Variants in OXR1 observed in about 807,000 individuals in gnomAD.
OXR1 encodes oxidation resistance protein 1.
OXR1 carries 41 observed loss-of-function variants against 104.6 expected under a neutral mutation model. That is an observed-to-expected ratio of 0.39 (90% CI 0.31 to 0.51). The LOEUF (loss-of-function observed/expected upper bound fraction) is 0.51, where lower values mean the gene tolerates loss of function less well. Among genes scored for constraint, OXR1 ranks in the 20% least tolerant of loss-of-function variants. The probability of loss-of-function intolerance (pLI) is 0.77; values close to 1 mark genes in which losing one functional copy is unlikely to be tolerated. For synonymous variants in OXR1, 348 were observed against 348.4 expected, an observed-to-expected ratio of 1.00 and a Z score of 0.01; for missense variants, 955 against 1,031.9, an observed-to-expected ratio of 0.93 and a Z score of 1.02.
intron 3 of OXR1, among the ~76,000 whole-genome samples, chr8:106,615,185 T>C (rs1276954801): frequency 6.6e-6 from 1 of 151,906 alleles, no homozygotes; most frequent in African/African-American, 2.4e-5. Flanking sequence ...ATCCCAACAC[T>C]TTGGGAGGCC....
Position 106,605,357 on chromosome 8 carries a change from CAGA to C in OXR1, c.221-73852_221-73850del, listed in dbSNP as rs527399915. 1.2e-4 allele frequency among the ~76,000 whole-genome samples: 19 copies of C among 152,226 alleles called. 1 individual carries two copies. The South Asian group carries it at 3.9e-3, about 32-fold the overall frequency. On this transcript the variant is annotated intron_variant, in intron 3 of 16. Transcript: ENST00000517566. ...CTGTCTTAGGTCTATTTGTACAGGA[CAGA>C]TATTCTACTTTATTCTCCAACAAGA...
chr8:106,619,990 A>G (rs1440210771), intron 3 of OXR1, among the ~76,000 whole-genome samples: 1 of 151,998 alleles, frequency 6.6e-6, no homozygotes, highest in Non-Finnish European at 1.5e-5. Context: ...TTTTACACTG[A>G]GACATCTACA....
chr8:106,326,258 C>CATATAAATTTTAAAA (rs1814464081), intron 1 of OXR1, among the ~76,000 whole-genome samples: 1 of 152,200 alleles, frequency 6.6e-6, no homozygotes, highest in African/African-American at 2.4e-5. Context: ...AAGGATGTCC[C>CATATAAATTTTAAAA]TAGTGTGTTG....
chr8:106,711,816 T>C (rs1464583812), intron 10 of OXR1, among the ~76,000 whole-genome samples: 1 of 152,124 alleles, frequency 6.6e-6, no homozygotes, highest in African/African-American at 2.4e-5. Flanking sequence ...ACCATAAGTT[T>C]AGGGAACCTG....
chr8:106,573,339 T>TCA (rs757895956), intron 3 of OXR1, among the ~76,000 whole-genome samples: 8 of 77,438 alleles, frequency 1.0e-4, no homozygotes, highest in Non-Finnish European at 2.0e-4. Context: ...CAATTAACCA[T>TCA]CACATACACA....
chr8:106,589,474 T>C (rs1818912125), intron 3 of OXR1, among the ~76,000 whole-genome samples: 1 of 152,100 alleles, frequency 6.6e-6, no homozygotes, highest in South Asian at 2.1e-4. Context: ...TGGGCTTGGT[T>C]GACTGCTGCA....
intron 1 of OXR1, among the ~76,000 whole-genome samples, chr8:106,291,856 T>G (rs1812769753): frequency 6.6e-6 from 1 of 152,116 alleles, no homozygotes; most frequent in Non-Finnish European, 1.5e-5. Context: ...ATGCCCTTTA[T>G]AAAACCATCA....
At chr8:106,363,232 CT>C (rs1385700818) in intron 2 of OXR1, among the ~76,000 whole-genome samples, 1 of 152,152 alleles carries the variant, frequency 6.6e-6, no homozygotes, top group Admixed American at 6.5e-5. Context: ...CTTTTTGGAG[CT>C]CATTTATAAG....
At chr8:106,680,478 T>G (rs1828039524) in intron 4 of OXR1, among the ~76,000 whole-genome samples, 2 of 152,156 alleles carry the variant, frequency 1.3e-5, no homozygotes, top group East Asian at 3.8e-4. Context: ...GATTGCCATT[T>G]TCTCCTCCTT....
intron 3 of OXR1, among the ~76,000 whole-genome samples, chr8:106,677,725 G>A (rs562468717): frequency 6.6e-6 from 1 of 151,976 alleles, no homozygotes; most frequent in Admixed American, 6.6e-5. Context: ...AAATATTTAG[G>A]ATACAAAAGT....
chr8:106,372,138 C>T (rs909003697), intron 2 of OXR1, among the ~76,000 whole-genome samples: 1 of 152,152 alleles, frequency 6.6e-6, no homozygotes, highest in Non-Finnish European at 1.5e-5. Flanking sequence ...GAACAGTAGG[C>T]CTGGTGGCAT....
intron 3 of OXR1, among the ~76,000 whole-genome samples, chr8:106,636,891 A>G (rs1823188566): frequency 6.6e-6 from 1 of 152,162 alleles, no homozygotes; most frequent in Non-Finnish European, 1.5e-5. Context: ...TTAGATGTGT[A>G]TGATTTTCAA....
At position 106,488,388 on chromosome 8, in the gene OXR1, A is replaced by G. The variant is rs978651952; in HGVS notation, c.24-30555A>G. 3.5e-4 allele frequency among the ~76,000 whole-genome samples: 50 copies of G among 144,016 alleles called. 1 individual carries two copies. Among genetic ancestry groups the G allele is most frequent in the South Asian group, 6.8e-4 (3 of 4,430 alleles). The allele number at this position is 144,016 out of a possible 152,430, so 94.5% of individuals were successfully genotyped here. A position where few individuals can be genotyped will look rare whatever the true frequency, so the allele number is the denominator to read the frequency against. On this transcript the variant is annotated intron_variant, in intron 2 of 16. Transcript: ENST00000517566. The stretch of plus-strand genomic sequence containing the variant: ...TTTTGTAGGTTGCCTGTTCACTCTG[A>G]TGGTAGTTTCTTTTGCTGTGCAGAA...
chr8:106,545,442 GA>G (rs993967091), intron 3 of OXR1, among the ~76,000 whole-genome samples: 1 of 152,038 alleles, frequency 6.6e-6, no homozygotes, highest in African/African-American at 2.4e-5. Context: ...AAAAACAAAA[GA>G]AAAAACTATA....
At chr8:106,271,354 C>CG (rs1175774098) in intron 1 of OXR1, among the ~76,000 whole-genome samples, 7 of 152,014 alleles carry the variant, frequency 4.6e-5, no homozygotes, top group African/African-American at 1.7e-4. Context: ...GGGAGCTGCT[C>CG]GGGCTTCCGT....
intron 3 of OXR1, among the ~76,000 whole-genome samples, chr8:106,645,011 G>T (rs749377392): frequency 6.6e-6 from 1 of 152,014 alleles, no homozygotes; most frequent in Non-Finnish European, 1.5e-5. Flanking sequence ...GCAATACTTA[G>T]ATTGGCGGAT....
intron 6 of OXR1, among the ~76,000 whole-genome samples, chr8:106,686,883 A>G (rs796110351): frequency 1.3e-5 from 2 of 152,246 alleles, no homozygotes; most frequent in East Asian, 3.9e-4. Context: ...CATATGGAGG[A>G]AGAAATATAG....
At chr8:106,515,472 C>G (rs186020711) in intron 2 of OXR1, among the ~76,000 whole-genome samples, 1 of 152,010 alleles carries the variant, frequency 6.6e-6, no homozygotes, top group Non-Finnish European at 1.5e-5. Flanking sequence ...TTCCTTATAT[C>G]CTTCATTCTA....
chr8:106,283,309 G>A lies in OXR1; in HGVS notation c.-139+12942G>A, dbSNP rs562125288. ...GTAACCTTTCCTATCAGGAGGCCTA[G>A]GCTTTAGACCATACCATATGCATGA... On this transcript the variant is annotated intron_variant, in intron 1 of 16. Transcript: ENST00000517566. Among the ~76,000 whole-genome samples the A allele has an allele frequency of 4.6e-5, 7 of 152,272 alleles. No homozygotes were observed. The South Asian group carries it at 1.5e-3, about 32-fold the overall frequency.
Sources: gnomAD v4.1 joint callset for allele counts (sites outside exome capture counted in the v4.1 genomes callset) on GRCh38, gnomAD v4.1.1 for gene constraint, MANE v1.5 for transcripts, NCBI Gene and HGNC (gene_info 2026-07-23, HGNC 2026-07-21) for gene names.